Variants in DPH6 observed in about 807,000 individuals in gnomAD.
DPH6 encodes the protein diphthine--ammonia ligase.
A neutral mutation model predicts 38.2 loss-of-function variants in DPH6; 33 were observed. The observed-to-expected ratio is 0.86, with a 90% CI of 0.65 to 1.15. The LOEUF is 1.15. Among genes scored for constraint, DPH6 ranks in the 50% most tolerant of loss-of-function variants. The probability of loss-of-function intolerance (pLI) is 0.00; values close to 1 mark genes in which losing one functional copy is unlikely to be tolerated. For synonymous variants in DPH6, 108 were observed against 103.0 expected (o/e 1.05, Z -0.30); for missense variants, 325 against 320.0 (o/e 1.02, Z -0.12).
chr15:35,544,838 GCTTTA>G (rs1252623778), intron 1 of DPH6, among the ~76,000 whole-genome samples: 3 of 152,082 alleles, frequency 2.0e-5, no homozygotes, highest in South Asian at 2.1e-4. Flanking sequence ...TGTTTGTTGT[GCTTTA>G]CTTTAATCGT....
At chr15:35,515,207 T>C (rs1182545354) in intron 3 of DPH6, among the ~76,000 whole-genome samples, 1 of 152,042 alleles carries the variant, frequency 6.6e-6, no homozygotes, top group Non-Finnish European at 1.5e-5. Flanking sequence ...AAATAATAGT[T>C]ATATATTATA....
intron 3 of DPH6, among the ~76,000 whole-genome samples, chr15:35,284,939 A>C (rs1242551224): frequency 6.6e-6 from 1 of 150,964 alleles, no homozygotes; most frequent in African/African-American, 2.4e-5. Context: ...CAGCCTTCCA[A>C]GTAGCTAGGA....
intron 5 of DPH6, among the ~76,000 whole-genome samples, chr15:35,449,164 T>C (rs1327652153): frequency 6.6e-6 from 1 of 152,050 alleles, no homozygotes; most frequent in Non-Finnish European, 1.5e-5. Context: ...TTTAATATTA[T>C]TCTAAAGAAT....
chr15:35,421,588 A>G (rs566923783), intron 5 of DPH6, among the ~76,000 whole-genome samples: 1 of 152,216 alleles, frequency 6.6e-6, no homozygotes, highest in Non-Finnish European at 1.5e-5. Context: ...AGGGATTTGA[A>G]ATATTTATTC....
At chr15:35,227,165 T>C (rs1335950260) in intron 3 of DPH6, among the ~76,000 whole-genome samples, 1 of 147,684 alleles carries the variant, frequency 6.8e-6, no homozygotes, top group Non-Finnish European at 1.5e-5. Flanking sequence ...ATATCAGTTA[T>C]AACATCTTCT....
chr15:35,174,042 T>C, the DPH6 span, among the ~76,000 whole-genome samples: 7 of 152,158 alleles, frequency 4.6e-5, no homozygotes, highest in Admixed American at 4.6e-4. Flanking sequence ...TCTTCCAGTG[T>C]TATCGTGACA....
intron 3 of DPH6, among the ~76,000 whole-genome samples, chr15:35,467,790 C>CT (rs1367576425): frequency 6.6e-6 from 1 of 151,858 alleles, no homozygotes; most frequent in African/African-American, 2.4e-5. Context: ...TACACTTAAT[C>CT]TTTTTTTATA....
intron 3 of DPH6, among the ~76,000 whole-genome samples, chr15:35,480,216 A>T (rs570277212): frequency 6.6e-6 from 1 of 152,230 alleles, no homozygotes; most frequent in South Asian, 2.1e-4. Context: ...AGAAAACTTT[A>T]TAACCACAAC....
intron 3 of DPH6, among the ~76,000 whole-genome samples, chr15:35,350,333 T>C (rs2052499186): frequency 2.6e-5 from 4 of 151,664 alleles, no homozygotes; most frequent in Admixed American, 2.6e-4. Context: ...TTTTTTTTTT[T>C]TTCTTAGTCT....
chr15:35,285,078 A>ATC (rs2140440084), intron 3 of DPH6, among the ~76,000 whole-genome samples: 1 of 152,162 alleles, frequency 6.6e-6, no homozygotes, highest in East Asian at 1.9e-4. Context: ...TCAAACTGTT[A>ATC]GGATTACAGG....
chr15:35,245,837 G>A (rs1306515992), intron 3 of DPH6, among the ~76,000 whole-genome samples: 1 of 152,126 alleles, frequency 6.6e-6, no homozygotes, highest in African/African-American at 2.4e-5. Context: ...AGAGAAGAAG[G>A]CTTAAGGAAT....
downstream of DPH6, among the ~76,000 whole-genome samples, chr15:35,216,269 C>T (rs1310064795): frequency 6.6e-6 from 1 of 152,198 alleles, no homozygotes; most frequent in Admixed American, 6.5e-5. Context: ...TACCAATAGT[C>T]ACTGTTAATC....
intron 3 of DPH6, among the ~76,000 whole-genome samples, chr15:35,487,765 A>T (rs1465768869): frequency 6.6e-6 from 1 of 152,104 alleles, no homozygotes; most frequent in Admixed American, 6.5e-5. Context: ...GGCAGCTTGA[A>T]TTTCTCCCCA....
At chr15:35,491,548 T>TACACACACACACACACACACAC (rs71309445) in intron 3 of DPH6, among the ~76,000 whole-genome samples, 2 of 137,696 alleles carry the variant, frequency 1.5e-5, no homozygotes, top group African/African-American at 5.4e-5. Context: ...CCAATAGGTG[T>TACACACACACACACACACACAC]ACACACACAC....
At chr15:35,214,118 A>G (rs1230731492), downstream of DPH6, among the ~76,000 whole-genome samples, 1 of 152,098 alleles carries the variant, frequency 6.6e-6, no homozygotes, top group Non-Finnish European at 1.5e-5. Flanking sequence ...TCTCAAAAAA[A>G]AAAAAAAAAG....
the DPH6 span, among the ~76,000 whole-genome samples, chr15:35,158,411 T>C: frequency 6.6e-6 from 1 of 152,092 alleles, no homozygotes; most frequent in Non-Finnish European, 1.5e-5. Flanking sequence ...CCAAATGTAA[T>C]ATGATTCATT....
At chr15:35,477,230 A>G (rs2054273652) in intron 3 of DPH6, among the ~76,000 whole-genome samples, 1 of 151,848 alleles carries the variant, frequency 6.6e-6, no homozygotes, top group Non-Finnish European at 1.5e-5. Flanking sequence ...AAAGTATAAC[A>G]TTATCTGAAT....
At chr15:35,317,120 G>A (rs901305720) in intron 3 of DPH6, among the ~76,000 whole-genome samples, 11 of 151,940 alleles carry the variant, frequency 7.2e-5, no homozygotes, top group South Asian at 4.2e-4. Flanking sequence ...TTAGCCAGGC[G>A]TGGTGGCATG....
At chr15:35,542,293 G>T in intron 2 of DPH6, 120 bp downstream of exon 2, 1 of 759,600 alleles carries the variant, frequency 1.3e-6, no homozygotes. Flanking sequence ...AGCATCTAAT[G>T]GGTGCTTAAT....
Sources: gnomAD v4.1 joint callset for allele counts (sites outside exome capture counted in the v4.1 genomes callset) on GRCh38, gnomAD v4.1.1 for gene constraint, MANE v1.5 for transcripts, NCBI Gene and HGNC (gene_info 2026-07-23, HGNC 2026-07-21) for gene names.